Variants in B3GLCT observed in about 807,000 individuals in gnomAD.
B3GLCT encodes the protein beta 3-glucosyltransferase.
In B3GLCT, 65 loss-of-function variants were observed where a neutral mutation model predicts 63.4. That is an observed-to-expected ratio of 1.03 (90% CI 0.84 to 1.26). The LOEUF (loss-of-function observed/expected upper bound fraction) is 1.26. B3GLCT is among the 50% of genes most tolerant of loss of function. The probability of loss-of-function intolerance (pLI) is 0.00; values close to 1 mark genes in which losing one functional copy is unlikely to be tolerated. For missense variants in B3GLCT, 577 were observed against 604.8 expected, an observed-to-expected ratio of 0.95 and a Z score of 0.48; for synonymous variants, 233 against 219.2, an observed-to-expected ratio of 1.06 and a Z score of -0.55.
At chr13:31,216,127 AT>A (rs199860677) in intron 2 of B3GLCT, among the ~76,000 whole-genome samples, 21 of 119,650 alleles carry the variant, frequency 1.8e-4, no homozygotes, top group Non-Finnish European at 3.1e-4. Flanking sequence ...GTGTAAAAGC[AT>A]TTTTTTAATA....
chr13:31,225,459 C>A (rs1012379379), intron 3 of B3GLCT, among the ~76,000 whole-genome samples: 5 of 152,164 alleles, frequency 3.3e-5, no homozygotes, highest in Non-Finnish European at 5.9e-5. Flanking sequence ...TTTCTTGGTA[C>A]TGCTATAAAG....
intron 6 of B3GLCT, among the ~76,000 whole-genome samples, chr13:31,259,400 C>T (rs1043917576): frequency 2.0e-5 from 3 of 151,906 alleles, no homozygotes; most frequent in Non-Finnish European, 4.4e-5. Flanking sequence ...TGTTTGGGTA[C>T]GTCTATTCAT....
chr13:31,202,024 A>G (rs901139517), intron 1 of B3GLCT, among the ~76,000 whole-genome samples: 5 of 152,176 alleles, frequency 3.3e-5, no homozygotes, highest in Non-Finnish European at 1.5e-5. Context: ...CTCTGCTTCG[A>G]TTTAGGGGAA....
intron 12 of B3GLCT, among the ~76,000 whole-genome samples, chr13:31,300,328 A>G (rs1874162553): frequency 6.6e-6 from 1 of 152,204 alleles, no homozygotes; most frequent in Non-Finnish European, 1.5e-5. Flanking sequence ...CTCTGACATC[A>G]CCCAAAACAG....
intron 10 of B3GLCT, among the ~76,000 whole-genome samples, chr13:31,282,088 C>A (rs1873097001): frequency 6.6e-6 from 1 of 152,120 alleles, no homozygotes; most frequent in Non-Finnish European, 1.5e-5. Context: ...AGGAAGTATA[C>A]TTCTTTATTG....
At chr13:31,202,633 T>C (rs974742713) in intron 1 of B3GLCT, among the ~76,000 whole-genome samples, 10 of 152,174 alleles carry the variant, frequency 6.6e-5, no homozygotes, top group Non-Finnish European at 1.5e-5. Flanking sequence ...GGCCTTTGCA[T>C]ATAGGGGCAG....
rs1458766118 is a variant in B3GLCT at position 31,200,057 on chromosome 13, G to C, written c.-28G>C. On this transcript the variant is annotated 5_prime_UTR_variant, in exon 1 of 15. Transcript: ENST00000343307. ...CGCGCGTCTCCCTTCCCCGCGCCCA[G>C]GTAGGGCGCTCAGCCTCCGCCGCCA... 2.4e-5 allele frequency: 32 copies of C among 1,339,030 alleles called. No individual in the cohort carries two copies. Among genetic ancestry groups the C allele is most frequent in the South Asian group, 3.1e-5 (2 of 65,260 alleles). The allele number at this position is 1,339,030 out of a possible 1,614,324, so 82.9% of individuals were successfully genotyped here.
chr13:31,219,428 T>A (rs1328351672), intron 2 of B3GLCT, among the ~76,000 whole-genome samples: 1 of 152,220 alleles, frequency 6.6e-6, no homozygotes, highest in Non-Finnish European at 1.5e-5. Flanking sequence ...CATTATGATG[T>A]GTGTATTTGG....
rs1555254600 is a variant in B3GLCT, at chr13:31,308,362, A to AAAACAAAACAAAAC, written c.1065-9201_1065-9200insCAAAACAAAACAAA. Reference sequence around the variant, plus strand: ...AAAAAAAAATTAAAAAAAAAAAAACAAAAAAAAAAGCTAGTCCCACATGGC... The same window carrying AAAACAAAACAAAAC: ...AAAAAAAAATTAAAAAAAAAAAAACAAAACAAAACAAAACAAAAAAAAAGCTAGTCCCACATGGC... On this transcript the variant is annotated intron_variant, in intron 12 of 14. Coordinates refer to ENST00000343307, the MANE Select transcript of B3GLCT (RefSeq NM_194318.4). Among the ~76,000 whole-genome samples the AAAACAAAACAAAAC allele has an allele frequency of 1.1e-4, 7 of 61,878 alleles. 1 individual carries two copies. The highest frequency in any genetic ancestry group is 2.1e-4 in the Admixed American group (1 of 4,732). 40.6% of individuals were successfully genotyped at this position (61,878 alleles called of 152,430 possible).
intron 4 of B3GLCT, among the ~76,000 whole-genome samples, chr13:31,238,404 G>A (rs1319893091): frequency 6.6e-6 from 1 of 152,138 alleles, no homozygotes; most frequent in Non-Finnish European, 1.5e-5. Flanking sequence ...CTCCAGTTTT[G>A]AAGCTTATCA....
intron 2 of B3GLCT, among the ~76,000 whole-genome samples, chr13:31,219,027 G>A (rs866570591): frequency 1.3e-5 from 2 of 151,576 alleles, no homozygotes; most frequent in African/African-American, 2.4e-5. Context: ...TGTGTAAAGC[G>A]CTGGTTCCAG....
At chr13:31,286,043 G>A (rs1037335388) in intron 11 of B3GLCT, among the ~76,000 whole-genome samples, 2 of 152,186 alleles carry the variant, frequency 1.3e-5, no homozygotes, top group Non-Finnish European at 2.9e-5. Flanking sequence ...GCTCCACTGT[G>A]TCACCAAATA....
At chr13:31,310,218 G>T (rs1874635198) in intron 12 of B3GLCT, among the ~76,000 whole-genome samples, 1 of 152,158 alleles carries the variant, frequency 6.6e-6, no homozygotes, top group Non-Finnish European at 1.5e-5. Context: ...CACATATTGG[G>T]ACTACCTGCC....
chr13:31,200,859 C>T (rs1040944205), intron 1 of B3GLCT, among the ~76,000 whole-genome samples: 3 of 152,150 alleles, frequency 2.0e-5, no homozygotes, highest in Non-Finnish European at 4.4e-5. Flanking sequence ...TTGCTCCTGT[C>T]TCGGGTCTCC....
chr13:31,274,991 A>C (rs1314375603), intron 9 of B3GLCT, among the ~76,000 whole-genome samples: 1 of 152,190 alleles, frequency 6.6e-6, no homozygotes, highest in Non-Finnish European at 1.5e-5. Flanking sequence ...ACGTAGGATA[A>C]TGGCCCCCAG....
chr13:31,294,117 G>C (rs917807483), intron 12 of B3GLCT, among the ~76,000 whole-genome samples: 5 of 152,178 alleles, frequency 3.3e-5, no homozygotes, highest in Non-Finnish European at 7.3e-5. Context: ...TTTTCTTTAA[G>C]AATGTTGAAT....
At chr13:31,267,301 G>T (rs577636606) in intron 7 of B3GLCT, among the ~76,000 whole-genome samples, 1 of 152,232 alleles carries the variant, frequency 6.6e-6, no homozygotes, top group African/African-American at 2.4e-5. Flanking sequence ...TTCCTTGCCT[G>T]TGGCAATAAG....
chr13:31,244,542 G>A (rs1423201570), intron 4 of B3GLCT, among the ~76,000 whole-genome samples: 1 of 152,120 alleles, frequency 6.6e-6, no homozygotes, highest in East Asian at 1.9e-4. Context: ...GTATCATTTA[G>A]TGACACTACC....
chr13:31,254,280 A>G (rs989502821), intron 6 of B3GLCT, among the ~76,000 whole-genome samples: 1 of 152,234 alleles, frequency 6.6e-6, no homozygotes, highest in African/African-American at 2.4e-5. Context: ...GAAGATCCTC[A>G]ATGCTGGCAA....
Sources: allele counts gnomAD v4.1 joint callset (sites outside exome capture counted in the v4.1 genomes callset), GRCh38; gene constraint gnomAD v4.1.1; transcripts MANE v1.5; gene names NCBI Gene and HGNC (gene_info 2026-07-23, HGNC 2026-07-21).